Variants in ARHGAP44 observed in about 807,000 individuals in gnomAD.
ARHGAP44 encodes the protein rho GTPase-activating protein 44.
Under a neutral mutation model 106.8 loss-of-function variants are expected in ARHGAP44, and 43 were observed. The observed-to-expected ratio is 0.40, with a 90% CI of 0.32 to 0.52. The LOEUF (loss-of-function observed/expected upper bound fraction) is 0.52. Among genes scored for constraint, ARHGAP44 ranks in the 20% least tolerant of loss-of-function variants. ARHGAP44 has a pLI of 0.48. For synonymous variants in ARHGAP44, 439 were observed against 410.3 expected (o/e 1.07, Z -0.85); for missense variants, 866 against 1,050.5 (o/e 0.82, Z 2.43).
chr17:12,925,448 G>A (rs1394939692), intron 6 of ARHGAP44, among the ~76,000 whole-genome samples: 1 of 152,202 alleles, frequency 6.6e-6, no homozygotes, highest in Non-Finnish European at 1.5e-5. Context: ...TAGACAGAAG[G>A]AACAGTGAAT....
intron 1 of ARHGAP44, among the ~76,000 whole-genome samples, chr17:12,801,383 TG>T (rs2034089305): frequency 6.6e-6 from 1 of 152,242 alleles, no homozygotes; most frequent in South Asian, 2.1e-4. Context: ...GAGTAGGTTC[TG>T]GTGTCTCCCC....
chr17:12,947,572 T>C (rs1359489338), intron 10 of ARHGAP44, among the ~76,000 whole-genome samples: 1 of 152,166 alleles, frequency 6.6e-6, no homozygotes. Flanking sequence ...CACACTTTCC[T>C]CTAACACCCC....
intron 5 of ARHGAP44, among the ~76,000 whole-genome samples, chr17:12,916,366 G>C (rs992415737): frequency 1.3e-5 from 2 of 151,746 alleles, no homozygotes; most frequent in Admixed American, 1.3e-4. Flanking sequence ...AGGATTCTGG[G>C]GGCCCAGGCC....
At chr17:12,960,364 G>C (rs1451234029) in intron 16 of ARHGAP44, among the ~76,000 whole-genome samples, 3 of 151,956 alleles carry the variant, frequency 2.0e-5, no homozygotes, top group Admixed American at 6.5e-5. Context: ...TCAGGTGTTC[G>C]AGACCAGCCT....
chr17:12,825,524 C>T (rs972360935), intron 1 of ARHGAP44, among the ~76,000 whole-genome samples: 7 of 151,802 alleles, frequency 4.6e-5, no homozygotes, highest in African/African-American at 9.7e-5. Flanking sequence ...ATCTGCCGGG[C>T]GAGTGGCAGG....
At chr17:12,901,677 G>C (rs2037379481) in intron 3 of ARHGAP44, among the ~76,000 whole-genome samples, 1 of 151,974 alleles carries the variant, frequency 6.6e-6, no homozygotes, top group African/African-American at 2.4e-5. Flanking sequence ...TGATCACCTG[G>C]GGAGAAAATG....
chr17:12,877,664 G>A (rs1293309696), intron 1 of ARHGAP44, among the ~76,000 whole-genome samples: 1 of 151,958 alleles, frequency 6.6e-6, no homozygotes, highest in Non-Finnish European at 1.5e-5. Context: ...GCAGGAGAAT[G>A]GCATGAACCC....
chr17:12,879,551 A>G (rs2036657864), intron 1 of ARHGAP44, among the ~76,000 whole-genome samples: 1 of 152,100 alleles, frequency 6.6e-6, no homozygotes, highest in Non-Finnish European at 1.5e-5. Context: ...TGCTGTAGCT[A>G]GCTGTTAGGA....
rs1417307080 is a variant in ARHGAP44 at position 12,841,594 on chromosome 17, T to TCTCTCTCTCTCTCTCACACACA, written c.53+51704_53+51705insTCTCTCTCTCTCTCACACACAC. Among the ~76,000 whole-genome samples the TCTCTCTCTCTCTCTCACACACA allele has an allele frequency of 1.0e-4, 13 of 126,580 alleles. No homozygotes were observed. In the South Asian group the frequency reaches 1.6e-3, roughly 16 times the overall value. The allele number at this position is 126,580 out of a possible 152,430, so 83.0% of individuals were successfully genotyped here. ...GAGACCCTGTCTCTCTGTCTCTCTCTCACACACACACACACACACACACAC... is the reference window on the plus strand; with the variant it reads ...GAGACCCTGTCTCTCTGTCTCTCTCTCTCTCTCTCTCTCTCACACACACACACACACACACACACACACACAC... On this transcript the variant is annotated intron_variant, in intron 1 of 20. Transcript: ENST00000379672.
chr17:12,956,052 A>G, intron 14 of ARHGAP44, 72 bp downstream of exon 14: 2 of 1,094,734 alleles, frequency 1.8e-6, no homozygotes, highest in Non-Finnish European at 2.7e-6. Flanking sequence ...TGGGCAGGAC[A>G]GCTGGGGCCT....
chr17:12,862,844 T>A (rs1282057036), intron 1 of ARHGAP44, among the ~76,000 whole-genome samples: 1 of 147,804 alleles, frequency 6.8e-6, no homozygotes, highest in Non-Finnish European at 1.5e-5. Context: ...AAATACAGTT[T>A]AAAAAAATGA....
Position 12,832,338 on chromosome 17 carries a change from G to A in ARHGAP44, c.53+42447G>A, listed in dbSNP as rs189290094. 1.9e-3 allele frequency among the ~76,000 whole-genome samples: 289 copies of A among 152,278 alleles called. 4 individuals are homozygous for A. The highest frequency in any genetic ancestry group is 0.018 in the Admixed American group (270 of 15,292). The stretch of plus-strand genomic sequence containing the variant: ...GGATTGGGGACACAAGGCCAGATGA[G>A]CCAATTTATTGATCTGGGTGGTGCC... On this transcript the variant is annotated intron_variant, in intron 1 of 20. Transcript: ENST00000379672.
intron 1 of ARHGAP44, among the ~76,000 whole-genome samples, chr17:12,874,459 G>A (rs546132216): frequency 2.0e-5 from 3 of 152,036 alleles, no homozygotes; most frequent in African/African-American, 4.8e-5. Context: ...GCCCAGGCGC[G>A]GCAGCTCACA....
At chr17:12,972,400 C>T (rs2039549205) in intron 16 of ARHGAP44, among the ~76,000 whole-genome samples, 1 of 151,824 alleles carries the variant, frequency 6.6e-6, no homozygotes, top group South Asian at 2.1e-4. Context: ...GTAATCCCAG[C>T]ACTTTGGGAG....
At chr17:12,853,816 T>G (rs2035830688) in intron 1 of ARHGAP44, among the ~76,000 whole-genome samples, 1 of 152,204 alleles carries the variant, frequency 6.6e-6, no homozygotes, top group Non-Finnish European at 1.5e-5. Context: ...GATTTCCACT[T>G]CAGCTTCTGG....
At chr17:12,986,696 A>AG (rs1567726808) in intron 20 of ARHGAP44, 1 of 150,212 alleles carries the variant, frequency 6.7e-6, no homozygotes, top group African/African-American at 2.5e-5. Context: ...AAAAAAAAAA[A>AG]AAAAAAGAAT....
chr17:12,946,727 G>A (rs939032741), intron 10 of ARHGAP44, among the ~76,000 whole-genome samples: 1 of 151,616 alleles, frequency 6.6e-6, no homozygotes. Context: ...CTTGAACTGG[G>A]GAAGCGGAGG....
At chr17:12,792,992 T>C (rs967319154) in intron 1 of ARHGAP44, among the ~76,000 whole-genome samples, 2 of 152,208 alleles carry the variant, frequency 1.3e-5, no homozygotes, top group African/African-American at 4.8e-5. Context: ...CCCCTTTCTG[T>C]CCCTTCACTT....
chr17:12,965,804 A>C (rs1435624184), intron 16 of ARHGAP44, among the ~76,000 whole-genome samples: 2 of 152,146 alleles, frequency 1.3e-5, no homozygotes, highest in East Asian at 3.9e-4. Flanking sequence ...TGTTTTTGTA[A>C]TTGCAGATGT....
Sources: gnomAD v4.1 joint callset for allele counts (sites outside exome capture counted in the v4.1 genomes callset) on GRCh38, gnomAD v4.1.1 for gene constraint, MANE v1.5 for transcripts, NCBI Gene and HGNC (gene_info 2026-07-23, HGNC 2026-07-21) for gene names.